The following CDK13 variants were observed in gnomAD, a reference collection of about 807,000 sequenced individuals.
CDK13 encodes the protein cyclin dependent kinase 13.
In CDK13, 40 loss-of-function variants were observed where a neutral mutation model predicts 137.6. The ratio of observed to expected loss-of-function variants is 0.29; its 90% CI spans 0.23 to 0.38. The LOEUF (loss-of-function observed/expected upper bound fraction) is 0.38. Among genes scored for constraint, CDK13 ranks in the 10% least tolerant of loss-of-function variants. The probability of loss-of-function intolerance (pLI) is 1.00; values close to 1 mark genes in which losing one functional copy is unlikely to be tolerated. For synonymous variants in CDK13, 869 were observed against 760.1 expected, an observed-to-expected ratio of 1.14 and a Z score of -2.36; for missense variants, 1,704 against 1,951.8, an observed-to-expected ratio of 0.87 and a Z score of 2.39.
At chr7:39,963,288 C>G (rs1451599947) in intron 1 of CDK13, among the ~76,000 whole-genome samples, 1 of 152,172 alleles carries the variant, frequency 6.6e-6, no homozygotes, top group Non-Finnish European at 1.5e-5. Context: ...TTTGTGTCCT[C>G]TTTTATTTCA....
At chr7:39,985,518 G>GCT (rs1189117407) in intron 1 of CDK13, 1 of 151,932 alleles carries the variant, frequency 6.6e-6, no homozygotes, top group East Asian at 1.9e-4. Context: ...TTATAAGATA[G>GCT]CTCTAGTTTT....
At chr7:39,997,798 T>C (rs1161144768) in intron 3 of CDK13, 134 bp downstream of exon 3, 2 of 662,732 alleles carry the variant, frequency 3.0e-6, no homozygotes, top group Non-Finnish European at 4.9e-6. Flanking sequence ...ATGAATTCTA[T>C]TAGAGTTTTG....
chr7:40,049,179 CAAAAAAAAAAAAAAA>C (rs917975927), intron 7 of CDK13: 4 of 51,324 alleles, frequency 7.8e-5, no homozygotes, highest in South Asian at 1.1e-3. Flanking sequence ...AGACTGTCTC[CAAAAAAAAAAAAAAA>C]AAAAAAAAAA....
rs1335433009 is a variant in CDK13 at position 39,951,986 on chromosome 7, C to T, written c.1211+134C>T. On this transcript the variant is annotated intron_variant, in intron 1 of 13. Transcript: ENST00000181839. ...GACGAGACAACACCGCCTGAGCCTC[C>T]CAGGAAGGATAGGCGTTTTCGCGCG... is the stretch of plus-strand genomic sequence containing the variant. The T allele has an allele frequency of 7.0e-6, 7 of 1,006,410 alleles. No homozygotes were observed. The South Asian group carries it at 3.4e-4, about 48-fold the overall frequency. 62.3% of individuals were successfully genotyped at this position (1,006,410 alleles called of 1,614,324 possible).
rs796306805 is a variant in CDK13, at chr7:39,996,983, A to AAG, written c.1872-510_1872-509insGA. Among the ~76,000 whole-genome samples, 574 of 141,346 alleles carry AAG rather than the reference A, an allele frequency of 4.1e-3. 26 individuals are homozygous for AAG. Among genetic ancestry groups the AAG allele is most frequent in the African/African-American group, 0.016 (537 of 33,456 alleles). The allele number at this position is 141,346 out of a possible 152,430, so 92.7% of individuals were successfully genotyped here. On this transcript the variant is annotated intron_variant, in intron 2 of 13. Coordinates refer to ENST00000181839, the MANE Select transcript of CDK13 (RefSeq NM_003718.5). ...TCTCAAAAAAAAAAAAAAAGAAAAAAAAAAAGAAAAATGCTTTGCAAAACT... is the reference window on the plus strand; with the variant it reads ...TCTCAAAAAAAAAAAAAAAGAAAAAAAGAAAAAGAAAAATGCTTTGCAAAACT...
At chr7:40,056,290 C>G (rs553730030) in intron 7 of CDK13, among the ~76,000 whole-genome samples, 1 of 152,240 alleles carries the variant, frequency 6.6e-6, no homozygotes, top group South Asian at 2.1e-4. Flanking sequence ...TAGTAACGGT[C>G]ATTTTCATTT....
chr7:40,019,519 T>C (rs1484401552), intron 5 of CDK13, among the ~76,000 whole-genome samples: 1 of 152,208 alleles, frequency 6.6e-6, no homozygotes, highest in African/African-American at 2.4e-5. Context: ...TTTTCCTTTT[T>C]GGTGGACCTC....
intron 5 of CDK13, among the ~76,000 whole-genome samples, chr7:40,012,298 T>A (rs1784912394): frequency 6.6e-6 from 1 of 152,158 alleles, no homozygotes; most frequent in Non-Finnish European, 1.5e-5. Context: ...TACTACTGGA[T>A]CTCCAAAAGA....
chr7:39,979,216 CTTTTTTTTTTT>C (rs71560152), intron 1 of CDK13, among the ~76,000 whole-genome samples: 1 of 130,888 alleles, frequency 7.6e-6, no homozygotes, highest in Non-Finnish European at 1.6e-5. Context: ...TCTTTTTTTT[CTTTTTTTTTTT>C]TTTTTGAGAC....
At chr7:39,999,333 A>G (rs1320983058) in intron 3 of CDK13, 28 bp from the exon 4 acceptor site, 1 of 1,570,950 alleles carries the variant, frequency 6.4e-7, no homozygotes, top group Non-Finnish European at 8.6e-7. Flanking sequence ...TTGATTGTAT[A>G]TAAAAACTTT....
intron 12 of CDK13, among the ~76,000 whole-genome samples, chr7:40,089,623 A>G (rs1267268): frequency 0.97 from 147,198 of 151,976 alleles, 71,313 homozygotes; most frequent in East Asian, 1. Flanking sequence ...TTTGCCTAAA[A>G]CATCCAGAAA....
rs1562769913 is a variant in CDK13 at position 40,092,894 on chromosome 7, C to T, written c.3345C>T (p.Asn1115=). 16 of 1,614,068 alleles carry T rather than the reference C, an allele frequency of 9.9e-6. No homozygotes were observed. Among genetic ancestry groups the T allele is most frequent in the Non-Finnish European group, 1.3e-5 (15 of 1,179,960 alleles). The change falls in exon 13 of 14, where the codon AAC becomes AAT. Residue 1115 remains asparagine (N), a synonymous_variant. Transcript: ENST00000181839. The part of the protein sequence containing the change: ...VNMADFVQVL[N]IKVNSETQQQ... ...TGGCTGATTTTGTCCAAGTGTTGAACATTAAGGTAAACTCTGAGACTCAAC... is the reference window on the plus strand; with the variant it reads ...TGGCTGATTTTGTCCAAGTGTTGAATATTAAGGTAAACTCTGAGACTCAAC...
At chr7:39,966,632 C>A (rs1462035183) in intron 1 of CDK13, among the ~76,000 whole-genome samples, 1 of 152,186 alleles carries the variant, frequency 6.6e-6, no homozygotes, top group Non-Finnish European at 1.5e-5. Context: ...CATTCTCTGT[C>A]CAGCTTTGTT....
chr7:40,002,500 T>C (rs1784703694), intron 5 of CDK13, among the ~76,000 whole-genome samples: 1 of 152,186 alleles, frequency 6.6e-6, no homozygotes, highest in Non-Finnish European at 1.5e-5. Flanking sequence ...ATAGTTATTA[T>C]TTAGCAGAGA....
chr7:40,062,969 T>G (rs373508641), intron 8 of CDK13, 42 bp downstream of exon 8: 11 of 1,603,694 alleles, frequency 6.9e-6, no homozygotes, highest in African/African-American at 1.3e-5. Flanking sequence ...CTTGAAACTT[T>G]TGGTAGTGAA....
In CDK13 at chr7:40,024,661, T is replaced by G. The variant is rs1252715813; in HGVS notation, c.2354-21175T>G. 2.4e-4 allele frequency among the ~76,000 whole-genome samples: 32 copies of G among 131,860 alleles called. 1 individual carries two copies. The highest frequency in any genetic ancestry group is 1.8e-3 in the Admixed American group (23 of 13,024). 86.5% of individuals were successfully genotyped at this position (131,860 alleles called of 152,430 possible). A position where few individuals can be genotyped will look rare whatever the true frequency, so the allele number is the denominator to read the frequency against. On this transcript the variant is annotated intron_variant, in intron 5 of 13. Transcript: ENST00000181839. ...TAGCTCTGTGTTTTTTTTTTTTTTT[T>G]TTTTTTTTTTTTTTTTTCCTGAGAC...
intron 1 of CDK13, among the ~76,000 whole-genome samples, chr7:39,971,795 A>G (rs1784005048): frequency 2.6e-5 from 4 of 152,146 alleles, no homozygotes; most frequent in Non-Finnish European, 5.9e-5. Context: ...AGGCAGAAGA[A>G]TCACTTGAAC....
rs199850517 is a variant in CDK13 at position 40,031,317 on chromosome 7, T to A, written c.2354-14519T>A. Among the ~76,000 whole-genome samples the A allele has an allele frequency of 3.3e-5, 5 of 151,706 alleles. No individual in the cohort carries two copies. The East Asian group carries it at 9.8e-4, about 30-fold the overall frequency. On this transcript the variant is annotated intron_variant, in intron 5 of 13. Transcript: ENST00000181839. The stretch of plus-strand genomic sequence containing the variant: ...TGGGCGGATCACTTGAGGTCAGGAG[T>A]TCAAGACCAGCCCGGCCAACATGGT...
intron 11 of CDK13, among the ~76,000 whole-genome samples, chr7:40,085,471 C>T (rs530558356): frequency 5.7e-4 from 87 of 152,216 alleles, no homozygotes; most frequent in Non-Finnish European, 1.1e-3. Flanking sequence ...ATGGGGCTGT[C>T]CTTCAAGAGC....
Sources: gnomAD v4.1 joint callset for allele counts (sites outside exome capture counted in the v4.1 genomes callset) on GRCh38, gnomAD v4.1.1 for gene constraint, MANE v1.5 for transcripts, NCBI Gene and HGNC (gene_info 2026-07-23, HGNC 2026-07-21) for gene names.